The following SKAP2 variants were observed in gnomAD, a reference collection of about 807,000 sequenced individuals.
SKAP2 encodes src kinase associated phosphoprotein 2.
SKAP2 carries 28 observed loss-of-function variants against 54.9 expected under a neutral mutation model. The ratio of observed to expected loss-of-function variants is 0.51; its 90% CI spans 0.38 to 0.70. The LOEUF is 0.70. Among genes scored for constraint, SKAP2 ranks in the 30% least tolerant of loss-of-function variants. The probability of loss-of-function intolerance (pLI) is 0.00; values close to 1 mark genes in which losing one functional copy is unlikely to be tolerated. For synonymous variants in SKAP2, 137 were observed against 134.3 expected, an observed-to-expected ratio of 1.02 and a Z score of -0.14; for missense variants, 356 against 424.1, an observed-to-expected ratio of 0.84 and a Z score of 1.41.
intron 4 of SKAP2, among the ~76,000 whole-genome samples, chr7:26,777,733 T>C (rs1783343528): frequency 6.6e-6 from 1 of 152,056 alleles, no homozygotes; most frequent in African/African-American, 2.4e-5. Flanking sequence ...ATCACAAAAG[T>C]CCAGAGTGTT....
intron 4 of SKAP2, among the ~76,000 whole-genome samples, chr7:26,816,981 T>C (rs3823929): frequency 0.22 from 33,713 of 152,074 alleles, 3,833 homozygotes; most frequent in Non-Finnish European, 0.24. Flanking sequence ...AAAATTAATC[T>C]GAGAGGATAT....
intron 9 of SKAP2, among the ~76,000 whole-genome samples, chr7:26,700,827 T>C (rs1383849008): frequency 6.6e-6 from 1 of 152,218 alleles, no homozygotes; most frequent in African/African-American, 2.4e-5. Context: ...ACTCCAGACC[T>C]CTAAAGTCTT....
At chr7:26,787,355 C>T (rs138873163) in intron 4 of SKAP2, among the ~76,000 whole-genome samples, 1 of 151,910 alleles carries the variant, frequency 6.6e-6, no homozygotes, top group African/African-American at 2.4e-5. Flanking sequence ...CAGAGTCTTC[C>T]TCTGCCACCT....
rs1249357164 is a variant in SKAP2 at position 26,669,122 on chromosome 7, G to A, written c.*544C>T. 9 of 152,090 alleles carry A rather than the reference G, an allele frequency of 5.9e-5. No homozygotes were observed. Among genetic ancestry groups the A allele is most frequent in the Non-Finnish European group, 4.4e-5 (3 of 68,018 alleles). The allele number at this position is 152,090 out of a possible 1,614,324, so 9.4% of individuals were successfully genotyped here. A position where few individuals can be genotyped will look rare whatever the true frequency, so the allele number is the denominator to read the frequency against. On this transcript the variant is annotated 3_prime_UTR_variant, in exon 13 of 13. Transcript: ENST00000345317. ...CGGCTGTACTTAATAGGAATTAAAT[G>A]TGTGAAAATAAATAATAACAATAAA... is the stretch of plus-strand genomic sequence containing the variant.
Position 26,831,649 on chromosome 7 carries a change from T to C in SKAP2, c.307+12381A>G, listed in dbSNP as rs117042621. ...TCCTACTCAATCCTAAGAATAACCA[T>C]AGGTTATAGATACTATTATTATCCT... On this transcript the variant is annotated intron_variant, in intron 4 of 12. Coordinates refer to ENST00000345317, the MANE Select transcript of SKAP2 (RefSeq NM_003930.5). Among the ~76,000 whole-genome samples, 1,469 of 152,260 alleles carry C rather than the reference T, an allele frequency of 9.6e-3. 31 individuals carry two copies. Among genetic ancestry groups the C allele is most frequent in the Middle Eastern group, 0.037 (11 of 294 alleles).
chr7:26,805,565 G>A (rs116569778), intron 4 of SKAP2, among the ~76,000 whole-genome samples: 4,474 of 152,176 alleles, frequency 0.029, 219 homozygotes, highest in African/African-American at 0.1. Context: ...AAAGTCATGA[G>A]GGCACTCAAG....
intron 4 of SKAP2, among the ~76,000 whole-genome samples, chr7:26,829,310 A>C (rs543625385): frequency 3.3e-5 from 5 of 152,280 alleles, no homozygotes; most frequent in Admixed American, 6.5e-5. Flanking sequence ...AGGTGAAAGG[A>C]TCGCTTGAGC....
intron 1 of SKAP2, among the ~76,000 whole-genome samples, chr7:26,859,524 C>A (rs909189599): frequency 6.6e-6 from 1 of 152,190 alleles, no homozygotes; most frequent in African/African-American, 2.4e-5. Context: ...CATGAACTGG[C>A]ACAAGAGCTC....
At chr7:26,723,588 C>T (rs954618376) in intron 9 of SKAP2, among the ~76,000 whole-genome samples, 2 of 152,054 alleles carry the variant, frequency 1.3e-5, no homozygotes, top group African/African-American at 4.8e-5. Context: ...AATAATATCT[C>T]CAGTAAGAAA....
chr7:26,835,880 C>A (rs1007132526), intron 4 of SKAP2, among the ~76,000 whole-genome samples: 10 of 152,076 alleles, frequency 6.6e-5, no homozygotes, highest in African/African-American at 2.2e-4. Flanking sequence ...GCCCGTATAG[C>A]CAAGACAATC....
intron 11 of SKAP2, among the ~76,000 whole-genome samples, chr7:26,675,179 TACAC>T (rs957231065): frequency 3.9e-5 from 6 of 152,202 alleles, no homozygotes; most frequent in African/African-American, 1.4e-4. Context: ...CTCAAAAACT[TACAC>T]TAACTCTCCA....
chr7:26,843,371 T>C (rs975603824), intron 4 of SKAP2, among the ~76,000 whole-genome samples: 21 of 152,064 alleles, frequency 1.4e-4, no homozygotes, highest in Admixed American at 1.3e-4. Context: ...ATGTACTCAA[T>C]GGCTATAACA....
In SKAP2 at chr7:26,713,836, T is replaced by A. The variant is rs539168836; in HGVS notation, c.796+11592A>T. Among the ~76,000 whole-genome samples, 4 of 152,278 alleles carry A rather than the reference T, an allele frequency of 2.6e-5. No individual in the cohort carries two copies. The East Asian group carries it at 7.7e-4, about 29-fold the overall frequency. ...GGATGGTCTCTATCTCCTGACCTCG[T>A]GATCCACCTGCCTCGGCCTCCCAAA... On this transcript the variant is annotated intron_variant, in intron 9 of 12. Coordinates refer to ENST00000345317, the MANE Select transcript of SKAP2 (RefSeq NM_003930.5).
intron 9 of SKAP2, among the ~76,000 whole-genome samples, chr7:26,691,963 G>T (rs1429782389): frequency 1.3e-5 from 2 of 152,090 alleles, no homozygotes; most frequent in Non-Finnish European, 2.9e-5. Context: ...GGCAATAAGA[G>T]CCTTCGAAGG....
At chr7:26,674,989 T>C (rs182958034) in intron 11 of SKAP2, among the ~76,000 whole-genome samples, 1 of 152,316 alleles carries the variant, frequency 6.6e-6, no homozygotes, top group East Asian at 1.9e-4. Flanking sequence ...GTGACTTTGG[T>C]ATTCAGTGTA....
chr7:26,800,037 T>C (rs1243511743), intron 4 of SKAP2, among the ~76,000 whole-genome samples: 2 of 151,764 alleles, frequency 1.3e-5, no homozygotes, highest in Non-Finnish European at 2.9e-5. Context: ...GGCAGGAGAA[T>C]GGCATGAACC....
intron 9 of SKAP2, among the ~76,000 whole-genome samples, chr7:26,708,636 A>G (rs777829103): frequency 2.0e-5 from 3 of 152,124 alleles, no homozygotes; most frequent in Non-Finnish European, 4.4e-5. Flanking sequence ...TCAGAACCAC[A>G]TATTTCTTAC....
At chr7:26,764,870 C>A (rs935129277) in intron 4 of SKAP2, among the ~76,000 whole-genome samples, 2 of 152,194 alleles carry the variant, frequency 1.3e-5, no homozygotes, top group Admixed American at 1.3e-4. Context: ...TTTCTTTATC[C>A]AGTCTAACAT....
At chr7:26,690,399 T>C (rs1403620530) in intron 9 of SKAP2, 37 bp from the exon 10 acceptor site, 1 of 1,368,494 alleles carries the variant, frequency 7.3e-7, no homozygotes, top group Non-Finnish European at 1.0e-6. Flanking sequence ...ATTGAAGGGT[T>C]TTCTCAGGGA....
Sources: gnomAD v4.1 joint callset for allele counts (sites outside exome capture counted in the v4.1 genomes callset) on GRCh38, gnomAD v4.1.1 for gene constraint, MANE v1.5 for transcripts, NCBI Gene and HGNC (gene_info 2026-07-23, HGNC 2026-07-21) for gene names.